SRP54: variants seen among roughly 807,000 people sequenced by gnomAD.
SRP54 encodes the protein signal recognition particle 54, also known as signal recognition particle subunit SRP54.
SRP54 carries 10 observed loss-of-function variants against 64.8 expected under a neutral mutation model. The observed-to-expected ratio is 0.15, with a 90% CI of 0.10 to 0.26. SRP54 has a LOEUF of 0.26. Ranked by LOEUF, SRP54 falls within the 10% of genes least tolerant of loss-of-function variation. The pLI, the probability that SRP54 is intolerant of heterozygous loss-of-function variation, is 1.00. For synonymous variants in SRP54, 193 were observed against 185.6 expected, an observed-to-expected ratio of 1.04 and a Z score of -0.32; for missense variants, 325 against 613.7, an observed-to-expected ratio of 0.53 and a Z score of 4.97.
At chr14:35,019,957 C>T (rs943823007) in intron 13 of SRP54, among the ~76,000 whole-genome samples, 6 of 152,096 alleles carry the variant, frequency 3.9e-5, no homozygotes, top group Middle Eastern at 3.4e-3. Context: ...CTGAGGCGGG[C>T]GGATCACCTG....
intron 14 of SRP54, among the ~76,000 whole-genome samples, chr14:35,023,371 A>C (rs78009223): frequency 6.6e-6 from 1 of 152,054 alleles, no homozygotes; most frequent in Non-Finnish European, 1.5e-5. Context: ...GAAAAAAAAA[A>C]CACATTACCT....
At chr14:35,003,312 G>A (rs920066006) in intron 4 of SRP54, among the ~76,000 whole-genome samples, 4 of 151,980 alleles carry the variant, frequency 2.6e-5, no homozygotes, top group African/African-American at 9.7e-5. Flanking sequence ...AACAATGGTA[G>A]GTAAAACTCC....
At position 35,013,369 on chromosome 14, in the gene SRP54, G is replaced by T; in HGVS notation, c.660G>T (p.Val220=). 6.2e-7 allele frequency: 1 copy of T among 1,613,762 alleles called. No homozygotes were observed. Among genetic ancestry groups the T allele is most frequent in the Non-Finnish European group, 8.5e-7 (1 of 1,179,898 alleles). ...AGCAACCTGATAACATTGTTTATGT[G>T]ATGGATGCCTCCATTGGGCAGGCTT... ...NAIQPDNIVY[V]MDASIGQACE... is the part of the protein sequence containing the mutation. The change falls in exon 9 of 16, where the codon GTG becomes GTT. Residue 220 remains valine, a synonymous_variant. Transcript: ENST00000216774.
Position 35,011,672 on chromosome 14 carries a change from C to A in SRP54, c.636+13C>A, listed in dbSNP as rs777598023. 2 of 1,503,488 alleles carry A rather than the reference C, an allele frequency of 1.3e-6. No individual in the cohort carries two copies. The highest frequency in any genetic ancestry group is 1.4e-5 in the South Asian group (1 of 71,696). 93.1% of individuals were successfully genotyped at this position (1,503,488 alleles called of 1,614,324 possible). ...TGCTAATGCTATAGTAAGTAGCTTT[C>A]AATGTAACACTATTATTAGGACTTT... On this transcript the variant is annotated intron_variant, in intron 8 of 15. Coordinates refer to ENST00000216774, the MANE Select transcript of SRP54 (RefSeq NM_003136.4).
rs1008568490 is a variant in SRP54 at position 34,992,055 on chromosome 14, C to G, written c.-33-4622C>G. Among the ~76,000 whole-genome samples the G allele has an allele frequency of 3.3e-5, 5 of 152,234 alleles. No individual in the cohort carries two copies. The East Asian group carries it at 9.6e-4, about 29-fold the overall frequency. On this transcript the variant is annotated intron_variant, in intron 1 of 15. Coordinates refer to ENST00000216774, the MANE Select transcript of SRP54 (RefSeq NM_003136.4). ...TCAAGCAATTCTCCTGCCTCAGTCT[C>G]CAGAGTAGCTGGGATTACAGGCATC...
intron 1 of SRP54, among the ~76,000 whole-genome samples, chr14:34,987,223 T>C (rs1282936101): frequency 1.2e-5 from 1 of 85,778 alleles, no homozygotes; most frequent in Non-Finnish European, 2.4e-5. Context: ...AGAGAGACAC[T>C]ACATCTGAAA....
chr14:34,999,709 G>T, intron 3 of SRP54, 60 bp downstream of exon 3: 1 of 1,214,686 alleles, frequency 8.2e-7, no homozygotes, highest in Non-Finnish European at 1.2e-6. Context: ...CTGGAAAGAG[G>T]TGCTAACTGG....
intron 2 of SRP54, 128 bp from the exon 3 acceptor site, chr14:34,999,430 G>C: frequency 1.7e-6 from 1 of 600,798 alleles, no homozygotes; most frequent in Non-Finnish European, 2.9e-6. Flanking sequence ...ATCTCTCCAA[G>C]AACTAACTGA....
chr14:34,996,388 C>T (rs984987296), intron 1 of SRP54, among the ~76,000 whole-genome samples: 3 of 152,174 alleles, frequency 2.0e-5, no homozygotes, highest in South Asian at 2.1e-4. Context: ...AAAAAAAGAA[C>T]ATATTTAATG....
At chr14:35,013,749 G>T in intron 9 of SRP54, 53 bp from the exon 10 acceptor site, 1 of 1,480,372 alleles carries the variant, frequency 6.8e-7, no homozygotes, top group Non-Finnish European at 9.3e-7. Context: ...CAGATCTGCT[G>T]GAAATTTGTG....
At chr14:35,022,104 T>C (rs1447551335) in intron 13 of SRP54, among the ~76,000 whole-genome samples, 2 of 152,054 alleles carry the variant, frequency 1.3e-5, no homozygotes, top group African/African-American at 2.4e-5. Context: ...GCTTATATAG[T>C]CTACATTATG....
At chr14:34,997,745 T>G (rs2044092744) in intron 2 of SRP54, among the ~76,000 whole-genome samples, 1 of 152,240 alleles carries the variant, frequency 6.6e-6, no homozygotes, top group Non-Finnish European at 1.5e-5. Flanking sequence ...GTCAGTTTCA[T>G]GTGATTATTT....
intron 1 of SRP54, among the ~76,000 whole-genome samples, chr14:34,989,425 C>T (rs1010060608): frequency 4.0e-5 from 6 of 151,898 alleles, no homozygotes; most frequent in African/African-American, 1.5e-4. Flanking sequence ...GCTGAGATTG[C>T]CCCATTGCAC....
chr14:34,995,188 T>TGTGTGTGG (rs1555353238), intron 1 of SRP54, among the ~76,000 whole-genome samples: 4 of 79,886 alleles, frequency 5.0e-5, no homozygotes, highest in African/African-American at 8.9e-5. Context: ...TGTGTGTGTG[T>TGTGTGTGG]AGAGAGAGAG....
chr14:35,006,472 A>G (rs12880928), intron 4 of SRP54, among the ~76,000 whole-genome samples: 29,465 of 152,086 alleles, frequency 0.19, 3,081 homozygotes, highest in East Asian at 0.38. Context: ...CCAGGTTTTC[A>G]GACTTGGTAT....
intron 1 of SRP54, among the ~76,000 whole-genome samples, chr14:34,994,922 T>C (rs1004682343): frequency 2.1e-5 from 3 of 141,268 alleles, no homozygotes; most frequent in African/African-American, 7.8e-5. Flanking sequence ...CATGCCGCCA[T>C]GCCTGGCTAC....
At chr14:35,009,631 A>G (rs1365002909) in intron 7 of SRP54, among the ~76,000 whole-genome samples, 1 of 152,194 alleles carries the variant, frequency 6.6e-6, no homozygotes, top group Non-Finnish European at 1.5e-5. Flanking sequence ...TTAAATGGTC[A>G]TACCATTTGT....
At chr14:35,022,336 T>C (rs937069138) in intron 13 of SRP54, among the ~76,000 whole-genome samples, 1 of 151,796 alleles carries the variant, frequency 6.6e-6, no homozygotes, top group African/African-American at 2.4e-5. Flanking sequence ...ATACTATAAA[T>C]GTTCTTTTGA....
chr14:35,015,456 A>G (rs1488368952), intron 11 of SRP54, among the ~76,000 whole-genome samples: 1 of 152,166 alleles, frequency 6.6e-6, no homozygotes, highest in Admixed American at 6.5e-5. Context: ...TTTACCCCAC[A>G]TGAAAGACCA....
Sources: allele counts gnomAD v4.1 joint callset (sites outside exome capture counted in the v4.1 genomes callset), GRCh38; gene constraint gnomAD v4.1.1; transcripts MANE v1.5; gene names NCBI Gene and HGNC (gene_info 2026-07-23, HGNC 2026-07-21).